Variants in DACH2 observed in about 807,000 individuals in gnomAD.
DACH2 encodes dachshund family transcription factor 2.
In DACH2, 17 loss-of-function variants were observed where a neutral mutation model predicts 35.8. The ratio of observed to expected loss-of-function variants is 0.48; its 90% CI spans 0.33 to 0.71. DACH2 has a LOEUF of 0.71. Ranked by LOEUF, DACH2 falls within the 30% of genes least tolerant of loss-of-function variation. The pLI is 0.02. For missense variants in DACH2, 469 were observed against 472.7 expected (o/e 0.99, Z 0.07); for synonymous variants, 195 against 177.3 (o/e 1.10, Z -0.79).
At chrX:86,772,523 G>A (rs183898238) in intron 7 of DACH2, among the ~76,000 whole-genome samples, 6 of 111,422 alleles carry the variant, frequency 5.4e-5, no homozygotes, top group African/African-American at 2.0e-4. Context: ...TAAAAGTAAC[G>A]CATGAGTGTT....
At chrX:86,731,104 A>T (rs2041527956) in intron 6 of DACH2, among the ~76,000 whole-genome samples, 1 of 111,376 alleles carries the variant, frequency 9.0e-6, no homozygotes, top group African/African-American at 3.3e-5. Context: ...ATGAAAGAAA[A>T]ATCTCTGATT....
chrX:86,682,280 A>G (rs1036749986), intron 4 of DACH2, among the ~76,000 whole-genome samples: 1 of 112,173 alleles, frequency 8.9e-6, no homozygotes, highest in African/African-American at 3.2e-5. Context: ...AGTTAAAAGC[A>G]CTTATATGCC....
chrX:86,501,067 C>G (rs2038242734), intron 2 of DACH2, among the ~76,000 whole-genome samples: 1 of 112,050 alleles, frequency 8.9e-6, no homozygotes, highest in South Asian at 3.7e-4. Flanking sequence ...CTTCCCCCAC[C>G]TAATTATCTT....
At chrX:86,682,507 G>A (rs144077999) in intron 4 of DACH2, among the ~76,000 whole-genome samples, 45 of 111,756 alleles carry the variant, frequency 4.0e-4, no homozygotes, top group Non-Finnish European at 6.8e-4. Context: ...TGCTTTCAGC[G>A]TTTTTCAGGC....
intron 1 of DACH2, among the ~76,000 whole-genome samples, chrX:86,366,474 T>G (rs1490644560): frequency 9.0e-6 from 1 of 111,430 alleles, no homozygotes; most frequent in African/African-American, 3.3e-5. Context: ...GAGACTTTCT[T>G]GATAAATGAC....
At chrX:86,241,969 G>A (rs993257310) in intron 1 of DACH2, among the ~76,000 whole-genome samples, 5 of 112,813 alleles carry the variant, frequency 4.4e-5, no homozygotes, top group African/African-American at 1.6e-4. Context: ...TTCAGAGGAT[G>A]CATGGAAACA....
At chrX:86,524,522 G>T (rs1041531347) in intron 3 of DACH2, among the ~76,000 whole-genome samples, 1 of 111,834 alleles carries the variant, frequency 8.9e-6, no homozygotes, top group Non-Finnish European at 1.9e-5. Flanking sequence ...TATTTCTAAC[G>T]TAGAGTTTAG....
At chrX:86,766,597 G>A (rs2041937910) in intron 7 of DACH2, among the ~76,000 whole-genome samples, 1 of 111,891 alleles carries the variant, frequency 8.9e-6, no homozygotes, top group African/African-American at 3.2e-5. Context: ...ATTGTTTGCT[G>A]AATGTGCACC....
chrX:86,284,763 C>T (rs181043075), intron 1 of DACH2, among the ~76,000 whole-genome samples: 6 of 110,985 alleles, frequency 5.4e-5, no homozygotes, highest in Admixed American at 2.9e-4. Context: ...TGTTCAGCTT[C>T]GATCTCATTT....
At chrX:86,545,460 T>C (rs1330567372) in intron 3 of DACH2, among the ~76,000 whole-genome samples, 1 of 111,796 alleles carries the variant, frequency 8.9e-6, no homozygotes, top group African/African-American at 3.3e-5. Flanking sequence ...ATTACCTGGG[T>C]GATGAAATAA....
In DACH2 at chrX:86,291,944, T is replaced by C. The variant is rs1379458506; in HGVS notation, c.489-84880T>C. 4.8e-4 allele frequency among the ~76,000 whole-genome samples: 33 copies of C among 69,262 alleles called. 3 individuals carry two copies. The highest frequency in any genetic ancestry group is 7.7e-4 in the Admixed American group (4 of 5,194). 60.1% of individuals were successfully genotyped at this position (69,262 alleles called of 115,157 possible). On this transcript the variant is annotated intron_variant, in intron 1 of 11. Coordinates refer to ENST00000373125, the MANE Select transcript of DACH2 (RefSeq NM_053281.3). ...TCAGGATGATGCTGGCCTCATAAAA[T>C]GAGTTAGGGAGGATTCCCTCTTTTT...
At chrX:86,698,530 T>TTTTTTTTTTTTTTG (rs2041098886) in intron 5 of DACH2, among the ~76,000 whole-genome samples, 1 of 58,825 alleles carries the variant, frequency 1.7e-5, no homozygotes, top group Non-Finnish European at 3.2e-5. Context: ...TGTTTTTTTT[T>TTTTTTTTTTTTTTG]TTTTTTTTTT....
intron 2 of DACH2, among the ~76,000 whole-genome samples, chrX:86,472,597 C>T (rs1245777278): frequency 9.0e-6 from 1 of 111,624 alleles, no homozygotes; most frequent in Non-Finnish European, 1.9e-5. Flanking sequence ...GGGACATATC[C>T]CCACTACACT....
chrX:86,616,862 G>A (rs1369875333), intron 3 of DACH2, among the ~76,000 whole-genome samples: 1 of 111,764 alleles, frequency 8.9e-6, no homozygotes, highest in Non-Finnish European at 1.9e-5. Flanking sequence ...CAATGGTATT[G>A]CCTAGGTTGT....
chrX:86,178,414 T>C (rs1465661910), intron 1 of DACH2, among the ~76,000 whole-genome samples: 2 of 111,719 alleles, frequency 1.8e-5, no homozygotes, highest in Admixed American at 9.5e-5. Context: ...CAGTTTGATA[T>C]GTCATTTTAT....
intron 7 of DACH2, among the ~76,000 whole-genome samples, chrX:86,802,734 T>A (rs916735913): frequency 9.0e-6 from 1 of 110,600 alleles, no homozygotes; most frequent in African/African-American, 3.3e-5. Flanking sequence ...GGGACCACGA[T>A]GGCTGGCATA....
chrX:86,308,624 C>G (rs748122719), intron 1 of DACH2, among the ~76,000 whole-genome samples: 2 of 111,732 alleles, frequency 1.8e-5, no homozygotes, highest in South Asian at 7.5e-4. Flanking sequence ...GAAGGGGAGG[C>G]CGGGTCCCCT....
intron 7 of DACH2, among the ~76,000 whole-genome samples, chrX:86,748,606 T>G (rs576194390): frequency 3.6e-5 from 4 of 111,919 alleles, no homozygotes; most frequent in African/African-American, 1.3e-4. Context: ...TGTGCCATTA[T>G]CCAGGCTTCA....
At chrX:86,677,126 A>AAG (rs1264096550) in intron 4 of DACH2, among the ~76,000 whole-genome samples, 1 of 112,224 alleles carries the variant, frequency 8.9e-6, no homozygotes, top group Admixed American at 9.5e-5. Flanking sequence ...TAGTTAGAAA[A>AAG]AGAGATTTCA....
Sources: gnomAD v4.1 joint callset for allele counts (sites outside exome capture counted in the v4.1 genomes callset) on GRCh38, gnomAD v4.1.1 for gene constraint, MANE v1.5 for transcripts, NCBI Gene and HGNC (gene_info 2026-07-23, HGNC 2026-07-21) for gene names.